Variants in LAMA2 observed in about 807,000 individuals in gnomAD.
LAMA2 encodes laminin subunit alpha 2, also known as laminin subunit alpha-2.
Under a neutral mutation model 364.8 loss-of-function variants are expected in LAMA2, and 269 were observed. The observed-to-expected ratio is 0.74, with a 90% CI of 0.67 to 0.82. The LOEUF is 0.82. Ranked by LOEUF, LAMA2 falls within the 40% of genes least tolerant of loss-of-function variation. The probability of loss-of-function intolerance (pLI) is 0.00; values close to 1 mark genes in which losing one functional copy is unlikely to be tolerated. For missense variants in LAMA2, 3,807 were observed against 3,873.2 expected, an observed-to-expected ratio of 0.98 and a Z score of 0.45; for synonymous variants, 1,379 against 1,370.6, an observed-to-expected ratio of 1.01 and a Z score of -0.14.
At chr6:129,159,033 G>C in intron 8 of LAMA2, 1 of 1,580,818 alleles carries the variant, frequency 6.3e-7, no homozygotes, top group East Asian at 2.2e-5. Context: ...GTGCCGTGGA[G>C]CATACTATCC....
chr6:128,938,287 G>A (rs1779951158), intron 1 of LAMA2, among the ~76,000 whole-genome samples: 1 of 152,108 alleles, frequency 6.6e-6, no homozygotes, highest in African/African-American at 2.4e-5. Flanking sequence ...AAATGAAATA[G>A]TCAGTAGAAA....
chr6:129,160,872 G>A (rs1779406518), intron 8 of LAMA2, among the ~76,000 whole-genome samples: 1 of 151,908 alleles, frequency 6.6e-6, no homozygotes. Context: ...TACACTGGAT[G>A]TTTATGATCT....
chr6:129,216,466 G>A (rs985656928), intron 12 of LAMA2, among the ~76,000 whole-genome samples: 8 of 152,110 alleles, frequency 5.3e-5, no homozygotes, highest in Non-Finnish European at 8.8e-5. Context: ...TCTAGAATAT[G>A]TAATGAATGA....
At chr6:129,376,211 T>C (rs1420442679) in intron 34 of LAMA2, among the ~76,000 whole-genome samples, 1 of 152,194 alleles carries the variant, frequency 6.6e-6, no homozygotes, top group Non-Finnish European at 1.5e-5. Flanking sequence ...CCCTACGGAT[T>C]GAGGGTATAA....
intron 12 of LAMA2, among the ~76,000 whole-genome samples, chr6:129,223,856 G>C (rs1364738924): frequency 6.6e-6 from 1 of 152,110 alleles, no homozygotes; most frequent in Non-Finnish European, 1.5e-5. Flanking sequence ...GAACTTTAAA[G>C]TAGTTTTTTT....
intron 3 of LAMA2, among the ~76,000 whole-genome samples, chr6:129,068,716 C>T (rs999171476): frequency 2.0e-5 from 3 of 152,136 alleles, no homozygotes; most frequent in Admixed American, 6.6e-5. Flanking sequence ...TGCTTTTAAG[C>T]GTATTCTAAA....
At chr6:129,288,518 T>A (rs1323962673) in intron 19 of LAMA2, among the ~76,000 whole-genome samples, 4 of 152,206 alleles carry the variant, frequency 2.6e-5, no homozygotes, top group Admixed American at 1.3e-4. Flanking sequence ...TCGTATTTTG[T>A]AATAGGTATA....
intron 1 of LAMA2, among the ~76,000 whole-genome samples, chr6:128,936,114 GC>G (rs1307600151): frequency 1.3e-5 from 2 of 152,330 alleles, no homozygotes; most frequent in African/African-American, 4.8e-5. Context: ...TTGGCCTTCT[GC>G]CACGGTTGTA....
At chr6:129,083,306 G>C (rs1219177302) in intron 3 of LAMA2, among the ~76,000 whole-genome samples, 2 of 151,616 alleles carry the variant, frequency 1.3e-5, no homozygotes, top group Non-Finnish European at 2.9e-5. Context: ...AGACTTCTTT[G>C]GAACTGTGGA....
chr6:129,007,372 A>G (rs1032227287), intron 1 of LAMA2, among the ~76,000 whole-genome samples: 4 of 152,152 alleles, frequency 2.6e-5, no homozygotes, highest in African/African-American at 9.7e-5. Context: ...TGAGCACCAC[A>G]TAGTGTGTGC....
chr6:129,206,767 A>C (rs1285057412), intron 12 of LAMA2, among the ~76,000 whole-genome samples: 1 of 152,216 alleles, frequency 6.6e-6, no homozygotes, highest in African/African-American at 2.4e-5. Flanking sequence ...GGCAGTTAAA[A>C]TCCAACATTT....
At chr6:129,392,914 C>T in intron 36 of LAMA2, 131 bp from the exon 37 acceptor site, 1 of 701,596 alleles carries the variant, frequency 1.4e-6, no homozygotes, top group Non-Finnish European at 2.4e-6. Flanking sequence ...CACAGTGAAT[C>T]TATTTTACAT....
intron 1 of LAMA2, among the ~76,000 whole-genome samples, chr6:128,894,211 G>A (rs1364024731): frequency 6.6e-6 from 1 of 152,110 alleles, no homozygotes; most frequent in South Asian, 2.1e-4. Flanking sequence ...TTACCCATGT[G>A]TGATGTTATA....
intron 31 of LAMA2, among the ~76,000 whole-genome samples, chr6:129,352,751 T>C (rs1776924956): frequency 6.6e-6 from 1 of 152,114 alleles, no homozygotes; most frequent in Non-Finnish European, 1.5e-5. Flanking sequence ...TGGCACTCAA[T>C]TAAGAACTGT....
intron 1 of LAMA2, among the ~76,000 whole-genome samples, chr6:128,977,953 T>A (rs892616690): frequency 2.0e-5 from 3 of 152,230 alleles, no homozygotes; most frequent in African/African-American, 7.2e-5. Context: ...ACATTCTAGC[T>A]AAGTACTTTC....
At chr6:129,160,984 T>C (rs1055047091) in intron 8 of LAMA2, among the ~76,000 whole-genome samples, 2 of 152,116 alleles carry the variant, frequency 1.3e-5, no homozygotes, top group Admixed American at 1.3e-4. Context: ...TGTGGATTTT[T>C]CCAATCTGCG....
At chr6:128,897,978 T>C (rs1202598784) in intron 1 of LAMA2, among the ~76,000 whole-genome samples, 2 of 152,200 alleles carry the variant, frequency 1.3e-5, no homozygotes, top group Non-Finnish European at 2.9e-5. Context: ...GCTGTTGCAA[T>C]AGTGCTGTTG....
intron 34 of LAMA2, among the ~76,000 whole-genome samples, chr6:129,382,154 T>C (rs945749523): frequency 2.6e-5 from 4 of 152,236 alleles, no homozygotes; most frequent in Non-Finnish European, 5.9e-5. Flanking sequence ...TATTCAAAAC[T>C]ATATTGAGAC....
At chr6:129,424,492 C>T (rs576699832) in intron 40 of LAMA2, among the ~76,000 whole-genome samples, 30 of 149,768 alleles carry the variant, frequency 2.0e-4, no homozygotes, top group Non-Finnish European at 3.8e-4. Flanking sequence ...TGATAAAGGA[C>T]CCATATCCAG....
Sources: gnomAD v4.1 joint callset for allele counts (sites outside exome capture counted in the v4.1 genomes callset) on GRCh38, gnomAD v4.1.1 for gene constraint, MANE v1.5 for transcripts, NCBI Gene and HGNC (gene_info 2026-07-23, HGNC 2026-07-21) for gene names.